Variants in EPHB1 observed in about 807,000 individuals in gnomAD.
EPHB1 encodes the protein EPH receptor B1, also known as ephrin type-B receptor 1.
Under a neutral mutation model 94.4 loss-of-function variants are expected in EPHB1, and 30 were observed. That is an observed-to-expected ratio of 0.32 (90% CI 0.24 to 0.43). EPHB1 has a LOEUF of 0.43. EPHB1 is among the 20% of genes least tolerant of loss of function. The probability of loss-of-function intolerance (pLI) is 1.00; values close to 1 mark genes in which losing one functional copy is unlikely to be tolerated. For synonymous variants in EPHB1, 522 were observed against 489.1 expected (o/e 1.07, Z -0.89); for missense variants, 1,055 against 1,308.3 (o/e 0.81, Z 2.99).
At chr3:135,024,337 G>A (rs1936074279) in intron 3 of EPHB1, among the ~76,000 whole-genome samples, 1 of 152,186 alleles carries the variant, frequency 6.6e-6, no homozygotes, top group East Asian at 1.9e-4. Flanking sequence ...AAACTGTTGG[G>A]TGGAATGAAA....
At position 135,175,186 on chromosome 3, in the gene EPHB1, C is replaced by T. The variant is rs138459795; in HGVS notation, c.1760-4674C>T. Among the ~76,000 whole-genome samples the T allele has an allele frequency of 1.4e-3, 220 of 152,276 alleles. 1 individual carries two copies. Among genetic ancestry groups the T allele is most frequent in the Admixed American group, 0.011 (164 of 15,298 alleles). Reference sequence around the variant, plus strand: ...CCCTGGCTCTTATAAAGGGTCTCCCCGACTTTTCAGATACACTCTACATGT... The same window carrying T: ...CCCTGGCTCTTATAAAGGGTCTCCCTGACTTTTCAGATACACTCTACATGT... On this transcript the variant is annotated intron_variant, in intron 9 of 15. Transcript: ENST00000398015.
At chr3:135,246,604 T>C (rs1363267695) in intron 13 of EPHB1, among the ~76,000 whole-genome samples, 2 of 152,326 alleles carry the variant, frequency 1.3e-5, no homozygotes, top group Admixed American at 6.5e-5. Context: ...TGTGTGCCCC[T>C]GGGCAAATTA....
chr3:134,881,177 C>A (rs1221729335), intron 1 of EPHB1, among the ~76,000 whole-genome samples: 3 of 151,976 alleles, frequency 2.0e-5, no homozygotes, highest in African/African-American at 7.3e-5. Flanking sequence ...GGCCCAGAGC[C>A]CTTGTATGCT....
chr3:135,117,883 T>C (rs993753520), intron 4 of EPHB1, among the ~76,000 whole-genome samples: 13 of 152,094 alleles, frequency 8.5e-5, no homozygotes, highest in African/African-American at 3.1e-4. Flanking sequence ...GGCAGCTGTG[T>C]AGTGAGATGA....
chr3:135,026,361 T>A (rs1338401417), intron 3 of EPHB1, among the ~76,000 whole-genome samples: 1 of 145,644 alleles, frequency 6.9e-6, no homozygotes, highest in Non-Finnish European at 1.5e-5. Flanking sequence ...AACGTTTAAG[T>A]CTTTAATCCA....
chr3:134,949,350 A>G (rs967503125), intron 2 of EPHB1, among the ~76,000 whole-genome samples: 3 of 152,086 alleles, frequency 2.0e-5, no homozygotes, highest in African/African-American at 7.2e-5. Flanking sequence ...AGAAGGAGTG[A>G]CCATGAGTGA....
At chr3:134,944,530 T>G (rs2039180442) in intron 2 of EPHB1, among the ~76,000 whole-genome samples, 1 of 152,232 alleles carries the variant, frequency 6.6e-6, no homozygotes, top group Non-Finnish European at 1.5e-5. Context: ...AGTCTAATTA[T>G]TTCAGATTCT....
At chr3:134,916,643 G>T (rs567833495) in intron 1 of EPHB1, among the ~76,000 whole-genome samples, 1 of 152,194 alleles carries the variant, frequency 6.6e-6, no homozygotes, top group Non-Finnish European at 1.5e-5. Flanking sequence ...GCGGCCAGCC[G>T]GCAGCTCTGA....
chr3:134,990,706 T>G (rs1189008330), intron 3 of EPHB1, among the ~76,000 whole-genome samples: 1 of 152,194 alleles, frequency 6.6e-6, no homozygotes, highest in Non-Finnish European at 1.5e-5. Context: ...ATATTTTAAA[T>G]TATCTCTAGA....
intron 1 of EPHB1, among the ~76,000 whole-genome samples, chr3:134,912,628 C>T (rs768214309): frequency 2.2e-4 from 34 of 152,308 alleles, no homozygotes; most frequent in Middle Eastern, 3.4e-3. Flanking sequence ...GGATAGAAGC[C>T]TGCCTACAGG....
intron 2 of EPHB1, among the ~76,000 whole-genome samples, chr3:134,934,586 G>C (rs1321273262): frequency 6.6e-6 from 1 of 151,928 alleles, no homozygotes; most frequent in African/African-American, 2.4e-5. Flanking sequence ...GCATTTAACA[G>C]AAAGGTGAAT....
intron 3 of EPHB1, among the ~76,000 whole-genome samples, chr3:135,094,280 G>A (rs1938668523): frequency 6.6e-6 from 1 of 152,204 alleles, no homozygotes; most frequent in African/African-American, 2.4e-5. Flanking sequence ...AAGAGCCTTG[G>A]AGAGTGAAGG....
chr3:135,192,964 TG>T, intron 11 of EPHB1, 141 bp downstream of exon 11: 1 of 1,214,302 alleles, frequency 8.2e-7, no homozygotes, highest in Non-Finnish European at 1.1e-6. Flanking sequence ...AGCAGAGATT[TG>T]TTGCTAAAAG....
In EPHB1 at chr3:135,047,956, C is replaced by G. The variant is rs79247316; in HGVS notation, c.806-58492C>G. ...GTCAATAGTGTCAAGGTTGAGAAAC[C>G]CTGCCATAGATGAAAGATGGACATT... On this transcript the variant is annotated intron_variant, in intron 3 of 15. Coordinates refer to ENST00000398015, the MANE Select transcript of EPHB1 (RefSeq NM_004441.5). 7.2e-5 allele frequency among the ~76,000 whole-genome samples: 11 copies of G among 152,178 alleles called. No individual in the cohort carries two copies. The East Asian group carries it at 2.1e-3, about 29-fold the overall frequency.
chr3:135,132,652 G>T, intron 4 of EPHB1, 62 bp from the exon 5 acceptor site: 1 of 1,436,262 alleles, frequency 7.0e-7, no homozygotes, highest in South Asian at 1.4e-5. Context: ...AGGCAGACAA[G>T]AGAGCTGCCG....
chr3:134,804,954 G>T (rs916261600), intron 1 of EPHB1, among the ~76,000 whole-genome samples: 18 of 152,228 alleles, frequency 1.2e-4, no homozygotes, highest in African/African-American at 4.1e-4. Context: ...CTTCATTGAC[G>T]GTGGCAGCAG....
At chr3:135,116,661 T>C (rs1939728587) in intron 4 of EPHB1, among the ~76,000 whole-genome samples, 1 of 152,204 alleles carries the variant, frequency 6.6e-6, no homozygotes, top group African/African-American at 2.4e-5. Context: ...AAAGCCAGGT[T>C]CAGAATCTAC....
At chr3:134,919,704 G>A (rs1171177146) in intron 1 of EPHB1, among the ~76,000 whole-genome samples, 2 of 152,144 alleles carry the variant, frequency 1.3e-5, no homozygotes, top group African/African-American at 4.8e-5. Context: ...AGGTTCGGAG[G>A]ACAGCTCAGA....
intron 12 of EPHB1, among the ~76,000 whole-genome samples, chr3:135,220,185 T>A (rs376829171): frequency 6.6e-6 from 1 of 151,766 alleles, no homozygotes; most frequent in Admixed American, 6.6e-5. Context: ...AGAGAGTGAG[T>A]CCAAGTCAAA....
Sources: allele counts gnomAD v4.1 joint callset (sites outside exome capture counted in the v4.1 genomes callset), GRCh38; gene constraint gnomAD v4.1.1; transcripts MANE v1.5; gene names NCBI Gene and HGNC (gene_info 2026-07-23, HGNC 2026-07-21).